The following EPG5 variants were observed in gnomAD, a reference collection of about 807,000 sequenced individuals.
The protein encoded by EPG5 is ectopic P-granules 5 autophagy tethering factor.
A neutral mutation model predicts 302.7 loss-of-function variants in EPG5; 159 were observed. That is an observed-to-expected ratio of 0.53 (90% CI 0.46 to 0.60). The LOEUF is 0.60. Among genes scored for constraint, EPG5 ranks in the 20% least tolerant of loss-of-function variants. EPG5 has a pLI of 0.00. For missense variants in EPG5, 2,896 were observed against 3,092.4 expected, an observed-to-expected ratio of 0.94 and a Z score of 1.51; for synonymous variants, 1,158 against 1,136.8, an observed-to-expected ratio of 1.02 and a Z score of -0.37.
Position 45,929,128 on chromosome 18 carries a change from C to G in EPG5, c.2413-119G>C, listed in dbSNP as rs147625229. On this transcript the variant is annotated intron_variant, in intron 12 of 43. Transcript: ENST00000282041. ...ATCTTACATTGAGCCTTAATTGACA[C>G]TATGTTCCAAAAAATGTTAAAACTT... 4.8e-3 allele frequency: 4,847 copies of G among 1,018,994 alleles called. 22 individuals are homozygous for G. The highest frequency in any genetic ancestry group is 5.7e-3 in the Non-Finnish European group (4,074 of 708,724). 63.1% of individuals were successfully genotyped at this position (1,018,994 alleles called of 1,614,324 possible).
the EPG5 span, among the ~76,000 whole-genome samples, chr18:45,806,191 C>T: frequency 6.6e-6 from 1 of 151,968 alleles, no homozygotes; most frequent in East Asian, 1.9e-4. Flanking sequence ...GATTAATTTG[C>T]CAAATTAGCT....
chr18:45,895,176 G>A (rs887938718), intron 27 of EPG5, among the ~76,000 whole-genome samples: 1 of 152,206 alleles, frequency 6.6e-6, no homozygotes, highest in African/African-American at 2.4e-5. Flanking sequence ...TGATGATATT[G>A]ATGCCTAAGT....
At chr18:45,873,366 C>T (rs1047814917) in intron 35 of EPG5, among the ~76,000 whole-genome samples, 3 of 151,922 alleles carry the variant, frequency 2.0e-5, no homozygotes, top group Admixed American at 6.5e-5. Flanking sequence ...AAAAATCAGC[C>T]GGGTGTGGTG....
At chr18:45,889,971 T>C in intron 27 of EPG5, 31 bp from the exon 28 acceptor site, 1 of 1,532,848 alleles carries the variant, frequency 6.5e-7, no homozygotes, top group South Asian at 1.2e-5. Flanking sequence ...CAAAAGACAT[T>C]TCCCCCCATG....
intron 35 of EPG5, 51 bp downstream of exon 35, chr18:45,876,185 T>C: frequency 7.8e-7 from 1 of 1,279,632 alleles, no homozygotes; most frequent in Non-Finnish European, 1.1e-6. Context: ...AAAGACTGAC[T>C]GACTTAGGGA....
rs1358767845 is a variant in EPG5 at position 45,954,464 on chromosome 18, G to A, written c.938C>T (p.Thr313Ile). Residue 313 changes from threonine (T) to isoleucine (I), a missense_variant, in exon 2 of 44, where the codon ACT (threonine) becomes ATT (isoleucine). Thr to Ile is a moderately conservative substitution (Grantham distance 89). Transcript: ENST00000282041. ...QLLLAEAELL[T>I]LTSDCQNAKS... ...AGCATTTTGGCAATCAGATGTCAGA[G>A]TAAGCAGCTCAGCTTCAGCCAGCAG... 1 of 1,614,232 alleles carries A rather than the reference G, an allele frequency of 6.2e-7. No homozygotes were observed. The highest frequency in any genetic ancestry group is 1.7e-5 in the Admixed American group (1 of 60,026).
At chr18:45,946,877 A>G (rs1278995133) in intron 6 of EPG5, 109 bp from the exon 7 acceptor site, 5 of 845,120 alleles carry the variant, frequency 5.9e-6, no homozygotes, top group African/African-American at 1.7e-5. Flanking sequence ...CAATCTTCCA[A>G]TGGTTTAAAT....
chr18:45,926,562 C>T (rs2050272605), intron 13 of EPG5, among the ~76,000 whole-genome samples: 1 of 152,122 alleles, frequency 6.6e-6, no homozygotes, highest in Non-Finnish European at 1.5e-5. Context: ...CATGATGGCT[C>T]ATGCCTGTAA....
chr18:45,953,703 A>G, intron 2 of EPG5: 1 of 985,338 alleles, frequency 1.0e-6, no homozygotes, highest in Non-Finnish European at 1.2e-6. Flanking sequence ...TGTGTTACAC[A>G]TCAGGGACTC....
In EPG5 at chr18:45,852,413, A is replaced by G. The variant is rs2048435688; in HGVS notation, c.*54T>C. ...TGAGCAAAGTTACTTGTGCAACAGCAAAGTTAAATGTAAACATAAACAGCA... is the reference window on the plus strand; with the variant it reads ...TGAGCAAAGTTACTTGTGCAACAGCGAAGTTAAATGTAAACATAAACAGCA... On this transcript the variant is annotated 3_prime_UTR_variant, in exon 44 of 44. Coordinates refer to ENST00000282041, the MANE Select transcript of EPG5 (RefSeq NM_020964.3). The G allele has an allele frequency of 6.5e-7, 1 of 1,537,964 alleles. No individual in the cohort carries two copies. Among genetic ancestry groups the G allele is most frequent in the Non-Finnish European group, 8.8e-7 (1 of 1,133,370 alleles).
At chr18:45,842,423 CTGTG>C in the EPG5 span, 535 of 446,676 alleles carry the variant, frequency 1.2e-3, no homozygotes, top group Middle Eastern at 1.9e-3. Flanking sequence ...GTGCATACGT[CTGTG>C]TGTGTGTGTG....
In EPG5 at chr18:45,928,979, T is replaced by A. The variant is rs944929737; in HGVS notation, c.2443A>T (p.Thr815Ser). ...AGCTCTCGACCAACCTTTGAAAAAG[T>A]CTCTCTGGTAGACAAGGTGACATAA... ...VSYVTLSTRE[T>S]FSKVGRELLG... The change falls in exon 13 of 44, where the codon ACT becomes TCT. Residue 815 changes from threonine to serine, a missense_variant. By Grantham distance (58) the Thr-to-Ser change is moderately conservative. Around this residue, in one of 5 missense-constraint regions of EPG5, gnomAD observed 1,390 missense variants for 1,430.0 expected, o/e 0.97. Transcript: ENST00000282041. 10 of 1,613,776 alleles carry A rather than the reference T, an allele frequency of 6.2e-6. No homozygotes were observed. The highest frequency in any genetic ancestry group is 8.5e-7 in the Non-Finnish European group (1 of 1,179,912).
chr18:45,905,001 T>C (rs1439623742), intron 24 of EPG5, among the ~76,000 whole-genome samples: 1 of 152,174 alleles, frequency 6.6e-6, no homozygotes, highest in Non-Finnish European at 1.5e-5. Flanking sequence ...CCCATTATAC[T>C]GCTCTCCCTA....
chr18:45,863,119 C>G (rs956004393), intron 39 of EPG5, among the ~76,000 whole-genome samples: 1 of 152,160 alleles, frequency 6.6e-6, no homozygotes. Flanking sequence ...TATAGCTATG[C>G]CAGCTTTCTA....
At chr18:45,913,575 G>A in intron 21 of EPG5, 131 bp downstream of exon 21, 5 of 1,090,660 alleles carry the variant, frequency 4.6e-6, no homozygotes, top group Non-Finnish European at 6.7e-6. Context: ...TTTAAGTATT[G>A]GTTTGGTTGT....
chr18:45,874,783 C>A (rs1031520294), intron 35 of EPG5, among the ~76,000 whole-genome samples: 1 of 152,164 alleles, frequency 6.6e-6, no homozygotes, highest in Non-Finnish European at 1.5e-5. Flanking sequence ...AACTAAATGC[C>A]ACACAAACAC....
chr18:45,943,177 T>C lies in EPG5; in HGVS notation c.1927A>G (p.Ile643Val). Residue 643 changes from isoleucine (I) to valine (V), a missense_variant, in exon 9 of 44, where the codon ATT becomes GTT. Physicochemically the swap from Ile to Val is conservative, Grantham distance 29. Around this residue, in one of 5 missense-constraint regions of EPG5, gnomAD observed 1,390 missense variants for 1,430.0 expected, o/e 0.97. Coordinates refer to ENST00000282041, the MANE Select transcript of EPG5 (RefSeq NM_020964.3). ...CAGTATTACCTGATCATATAACCAATTCGCTTCACAAACTGCCTATAGCGT... is the reference window on the plus strand; with the variant it reads ...CAGTATTACCTGATCATATAACCAACTCGCTTCACAAACTGCCTATAGCGT... ...RARYRQFVKR[I>V]GYMIRMTLGY... 6.2e-7 allele frequency: 1 copy of C among 1,614,098 alleles called. No homozygotes were observed.
In EPG5 at chr18:45,948,496, C is replaced by T. The variant is rs202014798; in HGVS notation, c.1571+7G>A. 503 of 1,610,448 alleles carry T rather than the reference C, an allele frequency of 3.1e-4. 1 individual carries two copies. The African/African-American group carries it at 5.9e-3, about 19-fold the overall frequency. The stretch of plus-strand genomic sequence containing the variant: ...ATCTCTACTTCACAAAGCTCTTGCA[C>T]ACTTACTTGACAGGAGACATCAGCA... On this transcript the variant is annotated splice_region_variant and intron_variant, in intron 6 of 43. Transcript: ENST00000282041.
chr18:45,899,313 C>A, intron 27 of EPG5, 91 bp downstream of exon 27: 1 of 1,420,398 alleles, frequency 7.0e-7, no homozygotes, highest in Non-Finnish European at 9.8e-7. Flanking sequence ...AGACAGTGTG[C>A]TATATATGTC....
Sources: gnomAD v4.1 joint callset for allele counts (sites outside exome capture counted in the v4.1 genomes callset) on GRCh38, gnomAD v4.1.1 for gene constraint, gnomAD v4.1.1 regional missense constraint, MANE v1.5 for transcripts, NCBI Gene and HGNC (gene_info 2026-07-23, HGNC 2026-07-21) for gene names.